AKR1E2: variants seen among roughly 807,000 people sequenced by gnomAD.
AKR1E2 encodes the protein aldo-keto reductase family 1 member E2, also known as 1,5-anhydro-D-fructose reductase.
AKR1E2 carries 43 observed loss-of-function variants against 41.9 expected under a neutral mutation model. The observed-to-expected ratio is 1.03, with a 90% CI of 0.80 to 1.32. AKR1E2 has a LOEUF of 1.32. AKR1E2 is among the 40% of genes most tolerant of loss of function. The pLI is 0.00. For synonymous variants in AKR1E2, 121 were observed against 138.9 expected (o/e 0.87, Z 0.91); for missense variants, 423 against 396.5 (o/e 1.07, Z -0.57).
chr10:4,842,454 A>G lies in AKR1E2; in HGVS notation c.787A>G (p.Ile263Val), dbSNP rs1472732976. The G allele has an allele frequency of 1.9e-6, 3 of 1,614,074 alleles. No homozygotes were observed. The highest frequency in any genetic ancestry group is 2.5e-6 in the Non-Finnish European group (3 of 1,180,024). Residue 263 changes from isoleucine (I) to valine (V), a missense_variant, in exon 8 of 10, where the codon ATA becomes GTA. Coordinates refer to ENST00000298375, the MANE Select transcript of AKR1E2 (RefSeq NM_001040177.3). ...CCGATTTCAAATCCAGAGGAATGTG[A>G]TAGTGATCCCCGGATCTATCACCCC... Reference protein sequence around the residue: ...LIRFQIQRNVIVIPGSITPSH... With the variant: ...LIRFQIQRNVVVIPGSITPSH...
At chr10:4,855,716 G>C in the AKR1E2 span, among the ~76,000 whole-genome samples, 2 of 152,200 alleles carry the variant, frequency 1.3e-5, no homozygotes, top group Non-Finnish European at 2.9e-5. Flanking sequence ...AAAATAAAAA[G>C]TGTAATGCCT....
chr10:4,834,965 G>T (rs1833284580), intron 3 of AKR1E2, among the ~76,000 whole-genome samples: 1 of 152,332 alleles, frequency 6.6e-6, no homozygotes, highest in Admixed American at 6.5e-5. Flanking sequence ...TGGCTTTAAA[G>T]TGAGACTGTT....
At chr10:4,864,991 A>G in the AKR1E2 span, among the ~76,000 whole-genome samples, 1 of 152,346 alleles carries the variant, frequency 6.6e-6, no homozygotes, top group Admixed American at 6.5e-5. Context: ...AATTTGAATA[A>G]AGAGTTAACT....
At chr10:4,848,148 G>C (rs1834454380), downstream of AKR1E2, 2 of 147,184 alleles carry the variant, frequency 1.4e-5, no homozygotes, top group Admixed American at 1.4e-4. Flanking sequence ...AGTGATCTCA[G>C]CTCACTGCAA....
chr10:4,831,534 C>T (rs112488708), intron 2 of AKR1E2, among the ~76,000 whole-genome samples: 5,388 of 152,214 alleles, frequency 0.035, 149 homozygotes, highest in East Asian at 0.12. Context: ...TCAGTTGTCA[C>T]GAGACTTATT....
At chr10:4,842,875 G>C (rs1025085278) in intron 8 of AKR1E2, among the ~76,000 whole-genome samples, 14 of 152,186 alleles carry the variant, frequency 9.2e-5, no homozygotes, top group African/African-American at 3.1e-4. Context: ...AGAAAGGGGA[G>C]GCAGTTGGTG....
chr10:4,826,392 C>T, intron 1 of AKR1E2, 29 bp downstream of exon 1: 1 of 1,232,816 alleles, frequency 8.1e-7, no homozygotes, highest in Non-Finnish European at 1.0e-6. Flanking sequence ...GGGAGGCGCG[C>T]CTGACCTAGG....
At chr10:4,859,839 C>G in the AKR1E2 span, among the ~76,000 whole-genome samples, 2 of 152,192 alleles carry the variant, frequency 1.3e-5, no homozygotes, top group Admixed American at 6.5e-5. Context: ...TGTGTAAGAT[C>G]AGAATTTTCT....
Position 4,832,208 on chromosome 10 carries a change from C to T in AKR1E2, c.208-1142C>T, listed in dbSNP as rs75293441. 4.9e-3 allele frequency among the ~76,000 whole-genome samples: 741 copies of T among 152,338 alleles called. 7 individuals are homozygous for T. The highest frequency in any genetic ancestry group is 0.017 in the African/African-American group (713 of 41,562). ...TTAGGGATTAGATGGCTCAGGCTCA[C>T]AGCTTCATTATTTGTAAAATGAGAC... On this transcript the variant is annotated intron_variant, in intron 2 of 9. Transcript: ENST00000298375.
upstream of AKR1E2, chr10:4,825,057 G>A (rs1177642103): frequency 4.4e-6 from 2 of 454,496 alleles, no homozygotes; most frequent in Admixed American, 4.7e-5. Context: ...TCCAGGCACA[G>A]TTTCTGAATG....
chr10:4,859,664 G>C, the AKR1E2 span, among the ~76,000 whole-genome samples: 2 of 152,220 alleles, frequency 1.3e-5, no homozygotes, highest in African/African-American at 4.8e-5. Flanking sequence ...TACAGCCATT[G>C]TATGAGGTGA....
At chr10:4,859,286 G>A in the AKR1E2 span, among the ~76,000 whole-genome samples, 1 of 152,304 alleles carries the variant, frequency 6.6e-6, no homozygotes, top group South Asian at 2.1e-4. Flanking sequence ...AACTCTGTCA[G>A]TTGAAACACA....
Position 4,841,791 on chromosome 10 carries a change from G to C in AKR1E2, c.687G>C (p.Gly229=). The change falls in exon 7 of 10, where the codon GGG becomes GGC. Residue 229 remains glycine (G), a synonymous_variant. Transcript: ENST00000298375. ...AYRPLGGSCE[G]VDLIDNPVIK... ...CTGTACTGTGTCTCTCTAGTGAGGG[G>C]GTTGACCTGATAGACAACCCTGTGA... is the stretch of plus-strand genomic sequence containing the variant. The C allele has an allele frequency of 6.2e-7, 1 of 1,612,338 alleles. No individual in the cohort carries two copies. Among genetic ancestry groups the C allele is most frequent in the Non-Finnish European group, 8.5e-7 (1 of 1,179,054 alleles).
chr10:4,837,003 A>G (rs1833478979), intron 4 of AKR1E2, among the ~76,000 whole-genome samples: 1 of 152,204 alleles, frequency 6.6e-6, no homozygotes, highest in Non-Finnish European at 1.5e-5. Flanking sequence ...GGATAGGAGA[A>G]TGGTGATGTA....
chr10:4,851,476 T>A (rs1008005090), downstream of AKR1E2, among the ~76,000 whole-genome samples: 1 of 152,214 alleles, frequency 6.6e-6, no homozygotes, highest in South Asian at 2.1e-4. Context: ...TTTCTGGTAC[T>A]TTGAACACAT....
intron 6 of AKR1E2, 75 bp from the exon 7 acceptor site, chr10:4,841,710 A>G: frequency 8.7e-7 from 1 of 1,155,810 alleles, no homozygotes; most frequent in African/African-American, 1.6e-5. Flanking sequence ...TTTTGGACAA[A>G]GATTTCTTCT....
chr10:4,869,373 TC>T, the AKR1E2 span, among the ~76,000 whole-genome samples: 1 of 152,100 alleles, frequency 6.6e-6, no homozygotes, highest in Non-Finnish European at 1.5e-5. Flanking sequence ...ATAGCATAAT[TC>T]CCTGTTGCAT....
chr10:4,850,027 G>A (rs1020104628), downstream of AKR1E2, among the ~76,000 whole-genome samples: 4 of 152,200 alleles, frequency 2.6e-5, no homozygotes, highest in African/African-American at 9.7e-5. Context: ...ACGCAGCCTC[G>A]TTCTTGAGCA....
chr10:4,859,301 A>AT, the AKR1E2 span, among the ~76,000 whole-genome samples: 6 of 152,248 alleles, frequency 3.9e-5, no homozygotes, highest in African/African-American at 1.4e-4. Context: ...AACACAACAA[A>AT]TATCAGGCAC....
Sources: gnomAD v4.1 joint callset for allele counts (sites outside exome capture counted in the v4.1 genomes callset) on GRCh38, gnomAD v4.1.1 for gene constraint, MANE v1.5 for transcripts, NCBI Gene and HGNC (gene_info 2026-07-23, HGNC 2026-07-21) for gene names.